Variants in TENM2 observed in about 807,000 individuals in gnomAD.
The protein encoded by TENM2 is teneurin-2.
In TENM2, 52 loss-of-function variants were observed where a neutral mutation model predicts 245.2. The observed-to-expected ratio is 0.21, with a 90% confidence interval of 0.17 to 0.27. The LOEUF is 0.27. TENM2 is among the 10% of genes least tolerant of loss of function. The probability of loss-of-function intolerance (pLI) is 1.00; values close to 1 mark genes in which losing one functional copy is unlikely to be tolerated. For synonymous variants in TENM2, 1,363 were observed against 1,438.9 expected (o/e 0.95, Z 1.19); for missense variants, 3,046 against 3,666.8 (o/e 0.83, Z 4.37).
chr5:167,714,763 T>C (rs1278608345), intron 2 of TENM2, among the ~76,000 whole-genome samples: 1 of 152,186 alleles, frequency 6.6e-6, no homozygotes, highest in Non-Finnish European at 1.5e-5. Flanking sequence ...CCCTGTCTTT[T>C]GCTTATCACT....
intron 12 of TENM2, among the ~76,000 whole-genome samples, chr5:168,137,658 T>C (rs1755164916): frequency 6.6e-6 from 1 of 152,230 alleles, no homozygotes; most frequent in Admixed American, 6.5e-5. Flanking sequence ...AAAGCCTAAA[T>C]GTCACTGATG....
At chr5:167,107,508 A>G in the TENM2 span, among the ~76,000 whole-genome samples, 1 of 152,308 alleles carries the variant, frequency 6.6e-6, no homozygotes, top group South Asian at 2.1e-4. Flanking sequence ...TATGATTGGT[A>G]TGATATATAG....
chr5:167,286,570 C>G (rs1771365067), intron 1 of TENM2, among the ~76,000 whole-genome samples: 1 of 152,146 alleles, frequency 6.6e-6, no homozygotes, highest in Non-Finnish European at 1.5e-5. Flanking sequence ...TGCACTAACA[C>G]GAGACTCAGA....
the TENM2 span, among the ~76,000 whole-genome samples, chr5:166,996,106 G>A: frequency 6.6e-6 from 1 of 152,092 alleles, no homozygotes; most frequent in Admixed American, 6.5e-5. Flanking sequence ...CACTTTGGGA[G>A]GCCGAGGCGG....
intron 2 of TENM2, among the ~76,000 whole-genome samples, chr5:167,676,464 G>A (rs1353916592): frequency 6.6e-6 from 1 of 152,006 alleles, no homozygotes; most frequent in East Asian, 1.9e-4. Flanking sequence ...CTAATGTCTG[G>A]TACTCAAGAG....
intron 2 of TENM2, among the ~76,000 whole-genome samples, chr5:167,672,231 G>A (rs1373018047): frequency 6.6e-6 from 1 of 151,662 alleles, no homozygotes; most frequent in Non-Finnish European, 1.5e-5. Context: ...CACTGACAGA[G>A]TATCATAAAT....
At chr5:168,080,757 A>G (rs1225297191) in intron 7 of TENM2, among the ~76,000 whole-genome samples, 1 of 152,124 alleles carries the variant, frequency 6.6e-6, no homozygotes. Flanking sequence ...GAGTTTCTTA[A>G]TCCTGAATTC....
At chr5:168,075,225 T>G (rs959978482) in intron 7 of TENM2, among the ~76,000 whole-genome samples, 1 of 152,196 alleles carries the variant, frequency 6.6e-6, no homozygotes, top group African/African-American at 2.4e-5. Flanking sequence ...CTTAGAATAA[T>G]GGTCTCCATT....
intron 1 of TENM2, among the ~76,000 whole-genome samples, chr5:167,346,716 G>T (rs766560099): frequency 1.3e-5 from 2 of 152,068 alleles, no homozygotes; most frequent in Non-Finnish European, 2.9e-5. Context: ...AGTTTTGTAC[G>T]CACAGCAAGG....
At chr5:167,353,208 T>C (rs1759041851) in intron 1 of TENM2, among the ~76,000 whole-genome samples, 1 of 152,082 alleles carries the variant, frequency 6.6e-6, no homozygotes, top group South Asian at 2.1e-4. Flanking sequence ...ATAAATAAAC[T>C]TTTTGTTATT....
At chr5:168,079,956 G>C (rs1791833928) in intron 7 of TENM2, among the ~76,000 whole-genome samples, 1 of 152,184 alleles carries the variant, frequency 6.6e-6, no homozygotes. Context: ...AAATGAGTTA[G>C]GGAGGATTCC....
the TENM2 span, among the ~76,000 whole-genome samples, chr5:167,203,213 T>A: frequency 3.9e-5 from 6 of 152,156 alleles, no homozygotes. Flanking sequence ...TCTGATCTTG[T>A]CATTTTTCAA....
chr5:167,568,929 G>C (rs368906669), intron 2 of TENM2, among the ~76,000 whole-genome samples: 2 of 152,120 alleles, frequency 1.3e-5, no homozygotes, highest in African/African-American at 4.8e-5. Flanking sequence ...GGTTAGTTCT[G>C]TCTTTCTGTG....
At chr5:167,884,591 T>G (rs1197135123) in intron 3 of TENM2, among the ~76,000 whole-genome samples, 2 of 152,212 alleles carry the variant, frequency 1.3e-5, no homozygotes, top group Non-Finnish European at 2.9e-5. Flanking sequence ...AGAATTTTCT[T>G]CCTTTTAAAG....
At chr5:167,811,563 C>G (rs574636229) in intron 2 of TENM2, among the ~76,000 whole-genome samples, 1 of 152,098 alleles carries the variant, frequency 6.6e-6, no homozygotes, top group Non-Finnish European at 1.5e-5. Flanking sequence ...ATTACCCAGT[C>G]TCAGGAATTT....
the TENM2 span, among the ~76,000 whole-genome samples, chr5:167,061,202 A>T: frequency 0.64 from 96,753 of 151,948 alleles, 33,098 homozygotes; most frequent in African/African-American, 0.91. Flanking sequence ...AGTAGTCTTT[A>T]TCTTCTGCTT....
At chr5:167,781,337 T>A (rs1017793961) in intron 2 of TENM2, among the ~76,000 whole-genome samples, 8 of 152,120 alleles carry the variant, frequency 5.3e-5, no homozygotes, top group Admixed American at 1.3e-4. Flanking sequence ...TACAAAATAG[T>A]GATGCAAAAT....
chr5:167,400,241 G>T (rs1317666963), intron 2 of TENM2, among the ~76,000 whole-genome samples: 1 of 152,054 alleles, frequency 6.6e-6, no homozygotes, highest in Non-Finnish European at 1.5e-5. Context: ...GTCCCATTTG[G>T]GCAATGAGAG....
chr5:168,236,606 T>C (rs1396563475), intron 25 of TENM2, among the ~76,000 whole-genome samples: 1 of 152,126 alleles, frequency 6.6e-6, no homozygotes, highest in Non-Finnish European at 1.5e-5. Context: ...GTTCCTTCCC[T>C]GTGTCTACTG....
Sources: allele counts gnomAD v4.1 joint callset (sites outside exome capture counted in the v4.1 genomes callset), GRCh38; gene constraint gnomAD v4.1.1; transcripts MANE v1.5; gene names NCBI Gene and HGNC (gene_info 2026-07-23, HGNC 2026-07-21).